Variants in RUFY3 observed in about 807,000 individuals in gnomAD.
The protein encoded by RUFY3 is protein RUFY3.
RUFY3 carries 34 observed loss-of-function variants against 84.0 expected under a neutral mutation model. That is an observed-to-expected ratio of 0.40 (90% confidence interval 0.31 to 0.54). The LOEUF is 0.54. Ranked by LOEUF, RUFY3 falls within the 20% of genes least tolerant of loss-of-function variation. RUFY3 has a pLI of 0.39. For missense variants in RUFY3, 507 were observed against 736.8 expected, an observed-to-expected ratio of 0.69 and a Z score of 3.61; for synonymous variants, 242 against 252.9, an observed-to-expected ratio of 0.96 and a Z score of 0.41.
At chr4:70,747,293 A>G (rs1039661596) in intron 1 of RUFY3, among the ~76,000 whole-genome samples, 7 of 152,362 alleles carry the variant, frequency 4.6e-5, no homozygotes, top group African/African-American at 1.4e-4. Context: ...CATCTTCATC[A>G]GAACTCAGTA....
chr4:70,705,412 G>A (rs564957467), intron 1 of RUFY3: 3 of 683,828 alleles, frequency 4.4e-6, no homozygotes, highest in African/African-American at 3.8e-5. Context: ...GGGTGGCCGG[G>A]AGGCGGGGGC....
chr4:70,733,721 A>G (rs1054614190), intron 1 of RUFY3, among the ~76,000 whole-genome samples: 1 of 152,238 alleles, frequency 6.6e-6, no homozygotes, highest in Non-Finnish European at 1.5e-5. Flanking sequence ...CTGCATATTT[A>G]CTATAGTCAC....
intron 1 of RUFY3, among the ~76,000 whole-genome samples, chr4:70,725,616 C>T (rs1010323543): frequency 9.2e-5 from 14 of 152,182 alleles, no homozygotes; most frequent in African/African-American, 3.1e-4. Flanking sequence ...CAGGTGTGAG[C>T]CACCATGCCC....
rs1203024723 is a variant in RUFY3, at chr4:70,733,095, GGA to G, written c.178+10368_178+10369del. Among the ~76,000 whole-genome samples the G allele has an allele frequency of 6.7e-3, 412 of 61,696 alleles. 2 individuals carry two copies. The highest frequency in any genetic ancestry group is 8.8e-3 in the Non-Finnish European group (296 of 33,522). 40.5% of individuals were successfully genotyped at this position (61,696 alleles called of 152,430 possible). A position where few individuals can be genotyped will look rare whatever the true frequency, so the allele number is the denominator to read the frequency against. On this transcript the variant is annotated intron_variant, in intron 1 of 17. Coordinates refer to ENST00000381006, the MANE Select transcript of RUFY3 (RefSeq NM_001037442.4). ...AGAAAGAGAGAGAGAGAGAGAGAGA[GGA>G]GAGAGAGAGAGAGAGAGAGAGAGGG...
chr4:70,765,209 G>GTGTATATATATA (rs144995233), intron 4 of RUFY3, among the ~76,000 whole-genome samples: 4 of 137,214 alleles, frequency 2.9e-5, no homozygotes, highest in Admixed American at 7.4e-5. Flanking sequence ...AAAAAAATGT[G>GTGTATATATATA]TATATATATA....
upstream of RUFY3, among the ~76,000 whole-genome samples, chr4:70,720,532 AT>A (rs1057227623): frequency 3.3e-4 from 26 of 79,254 alleles, no homozygotes; most frequent in African/African-American, 8.7e-4. Context: ...TCTCTACAGA[AT>A]TTGATTATTA....
intron 1 of RUFY3, among the ~76,000 whole-genome samples, chr4:70,757,289 A>G (rs749656157): frequency 2.0e-5 from 3 of 152,110 alleles, no homozygotes; most frequent in Non-Finnish European, 4.4e-5. Context: ...AAATCAAAAC[A>G]AAACAAATGG....
chr4:70,737,533 A>T (rs1346592524), intron 1 of RUFY3, among the ~76,000 whole-genome samples: 1 of 152,136 alleles, frequency 6.6e-6, no homozygotes, highest in Admixed American at 6.6e-5. Flanking sequence ...CCAGCATGAG[A>T]GCAAAGGGTC....
At chr4:70,798,528 T>C (rs1731814603) in intron 14 of RUFY3, among the ~76,000 whole-genome samples, 1 of 152,096 alleles carries the variant, frequency 6.6e-6, no homozygotes, top group Admixed American at 6.5e-5. Flanking sequence ...CAGTGGCTCA[T>C]GCCTGAACTT....
At chr4:70,744,939 G>A (rs1721956476) in intron 1 of RUFY3, among the ~76,000 whole-genome samples, 1 of 151,532 alleles carries the variant, frequency 6.6e-6, no homozygotes, top group African/African-American at 2.4e-5. Flanking sequence ...ACAGACATGA[G>A]CCACTGTGCC....
rs954299931 is a variant in RUFY3, at chr4:70,794,814, C to T, written c.1477C>T (p.Leu493=). ...CCTCAGGAACCAGCTTGAGTTAGAA[C>T]TAAAACAGGAAAAAGAAAGAAGATT... ...TRQRNQLELE[L]KQEKERRLQN... Residue 493 remains leucine (L), a synonymous_variant, in exon 14 of 18, where the codon CTA becomes TTA. Coordinates refer to ENST00000381006, the MANE Select transcript of RUFY3 (RefSeq NM_001037442.4). The T allele has an allele frequency of 6.2e-7, 1 of 1,611,874 alleles. No homozygotes were observed. Among genetic ancestry groups the T allele is most frequent in the Non-Finnish European group, 8.5e-7 (1 of 1,178,674 alleles).
Position 70,750,422 on chromosome 4 carries a change from T to A in RUFY3, c.179-12097T>A, listed in dbSNP as rs75484416. On this transcript the variant is annotated intron_variant, in intron 1 of 17. Transcript: ENST00000381006. ...GCCCATTTTCAAAGTCTGTTGATTG[T>A]CTCAAATATGTCTTTTTATAGTTGG... Among the ~76,000 whole-genome samples the A allele has an allele frequency of 2.0e-3, 311 of 152,332 alleles. 1 individual carries two copies. Among genetic ancestry groups the A allele is most frequent in the African/African-American group, 7.2e-3 (301 of 41,572 alleles).
rs756852909 is a variant in RUFY3, at chr4:70,722,523, G to C, written c.-51G>C. The C allele has an allele frequency of 9.6e-6, 15 of 1,564,272 alleles. No individual in the cohort carries two copies. In the Admixed American group the frequency reaches 1.6e-4, roughly 16 times the overall value. On this transcript the variant is annotated 5_prime_UTR_variant, in exon 1 of 18. Coordinates refer to ENST00000381006, the MANE Select transcript of RUFY3 (RefSeq NM_001037442.4). ...TTGTATTTATTTTTTTGGTGTGTGTGTGTGAGTGTGTGTGTGTCTGTGTGT... is the reference window on the plus strand; with the variant it reads ...TTGTATTTATTTTTTTGGTGTGTGTCTGTGAGTGTGTGTGTGTCTGTGTGT...
At chr4:70,769,438 T>C (rs1279231020) in intron 5 of RUFY3, among the ~76,000 whole-genome samples, 1 of 152,230 alleles carries the variant, frequency 6.6e-6, no homozygotes, top group East Asian at 1.9e-4. Flanking sequence ...TTAAAAATAC[T>C]TTATTGCTAA....
In RUFY3 at chr4:70,794,632, G is replaced by A. The variant is rs968449723; in HGVS notation, c.1458-163G>A. On this transcript the variant is annotated intron_variant, in intron 13 of 17. Coordinates refer to ENST00000381006, the MANE Select transcript of RUFY3 (RefSeq NM_001037442.4). ...AATGTGTCCAGATTCACACAGTTAA[G>A]CTTAGAAGTAGCAACATTATCATTT... is the stretch of plus-strand genomic sequence containing the variant. 5.9e-5 allele frequency: 37 copies of A among 625,464 alleles called. No homozygotes were observed. The East Asian group carries it at 1.1e-3, about 18-fold the overall frequency. The allele number at this position is 625,464 out of a possible 1,614,324, so 38.7% of individuals were successfully genotyped here.
Position 70,735,088 on chromosome 4 carries a change from C to T in RUFY3, c.178+12337C>T, listed in dbSNP as rs552704971. 1.4e-4 allele frequency among the ~76,000 whole-genome samples: 22 copies of T among 152,304 alleles called. No homozygotes were observed. In the South Asian group the frequency reaches 1.9e-3, roughly 13 times the overall value. ...TGCCACTCAGTGATAGAGCTCAGAA[C>T]GGAATTCACGTTGTCAGATTCCCAA... On this transcript the variant is annotated intron_variant, in intron 1 of 17. Transcript: ENST00000381006.
chr4:70,710,817 CT>C (rs1274033137), intron 1 of RUFY3, among the ~76,000 whole-genome samples: 6 of 151,256 alleles, frequency 4.0e-5, no homozygotes, highest in Non-Finnish European at 7.4e-5. Context: ...AATCCCAGCA[CT>C]TTGGGAGGCC....
At chr4:70,789,108 T>G (rs890790262) in intron 11 of RUFY3, 135 bp downstream of exon 11, 3 of 1,419,172 alleles carry the variant, frequency 2.1e-6, no homozygotes, top group Non-Finnish European at 2.8e-6. Context: ...TAGCTGCCAG[T>G]AAACTACTTT....
intron 14 of RUFY3, 35 bp downstream of exon 14, chr4:70,794,929 T>C (rs767471040): frequency 7.1e-7 from 1 of 1,411,466 alleles, no homozygotes; most frequent in South Asian, 1.2e-5. Flanking sequence ...TTTTACTTAA[T>C]TTCAGTTTAA....
Sources: allele counts gnomAD v4.1 joint callset (sites outside exome capture counted in the v4.1 genomes callset), GRCh38; gene constraint gnomAD v4.1.1; transcripts MANE v1.5; gene names NCBI Gene and HGNC (gene_info 2026-07-23, HGNC 2026-07-21).